TNRC6C: variants seen among roughly 807,000 people sequenced by gnomAD.
TNRC6C encodes trinucleotide repeat-containing gene 6C protein.
Under a neutral mutation model 153.7 loss-of-function variants are expected in TNRC6C, and 20 were observed. The ratio of observed to expected loss-of-function variants is 0.13; its 90% CI spans 0.09 to 0.19. TNRC6C has a LOEUF of 0.19. TNRC6C is among the 10% of genes least tolerant of loss of function. The probability of loss-of-function intolerance (pLI) is 1.00; values close to 1 mark genes in which losing one functional copy is unlikely to be tolerated. For missense variants in TNRC6C, 1,987 were observed against 2,172.0 expected, an observed-to-expected ratio of 0.91 and a Z score of 1.69; for synonymous variants, 811 against 841.4, an observed-to-expected ratio of 0.96 and a Z score of 0.63.
intron 3 of TNRC6C, among the ~76,000 whole-genome samples, chr17:78,056,250 C>T (rs937925505): frequency 2.6e-5 from 4 of 151,770 alleles, no homozygotes; most frequent in Admixed American, 6.6e-5. Flanking sequence ...TTCCACCTCC[C>T]GGGTTCAAGC....
Position 78,079,569 on chromosome 17 carries a change from G to A in TNRC6C, c.3357+28G>A. Reference sequence around the variant, plus strand: ...CAGACCCACATCCAAGCAGGACTGAGCAACAGGATATAGATGCCAGTGTTT... The same window carrying A: ...CAGACCCACATCCAAGCAGGACTGAACAACAGGATATAGATGCCAGTGTTT... On this transcript the variant is annotated intron_variant, in intron 10 of 19. Transcript: ENST00000301624. This position sits in a 1 kb window ranked among gnomAD's most constrained non-coding sequence, Gnocchi z 4.3. 1 of 1,611,358 alleles carries A rather than the reference G, an allele frequency of 6.2e-7. No homozygotes were observed. The highest frequency in any genetic ancestry group is 8.5e-7 in the Non-Finnish European group (1 of 1,177,868).
intron 1 of TNRC6C, among the ~76,000 whole-genome samples, chr17:77,979,062 G>C (rs1157932303): frequency 6.6e-6 from 1 of 152,126 alleles, no homozygotes; most frequent in Non-Finnish European, 1.5e-5. Context: ...AGGAGATCTA[G>C]ATATTAGGGT....
At chr17:78,022,868 C>A (rs894989791) in intron 1 of TNRC6C, among the ~76,000 whole-genome samples, 1 of 152,200 alleles carries the variant, frequency 6.6e-6, no homozygotes, top group South Asian at 2.1e-4. Context: ...TGTACTGATG[C>A]AGTGCATGTA....
At chr17:78,108,788 T>A (rs970987711) in exon 20 of TNRC6C, 23 of 152,384 alleles carry the variant, frequency 1.5e-4, no homozygotes, top group African/African-American at 3.1e-4. Context: ...GGATATATAT[T>A]TTTTTAAGTT....
At chr17:78,071,202 T>G (rs748584714) in intron 6 of TNRC6C, 37 bp downstream of exon 8, 1 of 1,563,334 alleles carries the variant, frequency 6.4e-7, no homozygotes, top group South Asian at 1.2e-5. Context: ...CCCACCATGC[T>G]TCCCAAAATG....
chr17:78,056,565 G>A (rs1354085837), intron 3 of TNRC6C, among the ~76,000 whole-genome samples: 4 of 151,082 alleles, frequency 2.6e-5, no homozygotes, highest in South Asian at 2.1e-4. Context: ...CCAGGTTCAC[G>A]CCATTCTCGT....
upstream of TNRC6C, chr17:77,959,155 C>T (rs1265097691): frequency 1.4e-5 from 2 of 144,564 alleles, no homozygotes; most frequent in Non-Finnish European, 3.1e-5. Flanking sequence ...GAGCGGGCCC[C>T]CGCCGCCCGC....
chr17:78,090,290 ACT>A (rs2073370763), intron 13 of TNRC6C, among the ~76,000 whole-genome samples: 2 of 151,694 alleles, frequency 1.3e-5, no homozygotes, highest in South Asian at 4.2e-4. Flanking sequence ...CAGGACAGAC[ACT>A]CTCTGGTTTG....
chr17:78,026,348 G>A (rs1945321662), intron 1 of TNRC6C, among the ~76,000 whole-genome samples: 1 of 152,184 alleles, frequency 6.6e-6, no homozygotes, highest in Admixed American at 6.5e-5. Flanking sequence ...GCTTAGGTGA[G>A]GAGGTGACAT....
At chr17:78,050,923 G>C in exon 3 of TNRC6C, 1 of 1,614,008 alleles carries the variant, frequency 6.2e-7, no homozygotes, top group Non-Finnish European at 8.5e-7. Flanking sequence ...TGGATGGGAT[G>C]CTGACAGTAA....
exon 2 of TNRC6C, chr17:78,031,799 A>T (rs1424935123): frequency 8.9e-6 from 11 of 1,232,192 alleles, no homozygotes; most frequent in Non-Finnish European, 1.1e-5. Flanking sequence ...CACCTCCCCT[A>T]CCTGGAGCCG....
At position 78,088,653 on chromosome 17, in the gene TNRC6C, G is replaced by A. The variant is rs1598779836; in HGVS notation, c.3802+1560G>A. On this transcript the variant is annotated intron_variant, in intron 13 of 19. Coordinates refer to ENST00000301624, the Ensembl canonical transcript of TNRC6C. ...CTCTCTTTTTTTTTTTGGCTGGAGTGCAGTGGCGTGATCATAGCTCATTGC... is the reference window on the plus strand; with the variant it reads ...CTCTCTTTTTTTTTTTGGCTGGAGTACAGTGGCGTGATCATAGCTCATTGC... 3.4e-5 allele frequency among the ~76,000 whole-genome samples: 5 copies of A among 147,088 alleles called. No individual in the cohort carries two copies. In the Admixed American group the frequency reaches 3.4e-4, roughly 10 times the overall value.
At chr17:77,988,480 A>G (rs187267039) in intron 1 of TNRC6C, among the ~76,000 whole-genome samples, 249 of 152,348 alleles carry the variant, frequency 1.6e-3, no homozygotes, top group South Asian at 5.2e-3. Flanking sequence ...CTGTTCTCAC[A>G]GAAGATTATT....
At chr17:78,046,942 A>G (rs1254112450) in intron 2 of TNRC6C, among the ~76,000 whole-genome samples, 1 of 152,170 alleles carries the variant, frequency 6.6e-6, no homozygotes, top group Admixed American at 6.6e-5. Flanking sequence ...AGATCATTTT[A>G]CAGTGTGACT....
Position 78,067,744 on chromosome 17 carries a change from GCT to G in TNRC6C, c.2612-10_2612-9del, listed in dbSNP as rs752110503. ...ACATGAATTTGATAAGTTCATGTTT[GCT>G]CTGTTTCTAGCTTCAAAATCTATGC... On this transcript the variant is annotated splice_polypyrimidine_tract_variant and intron_variant, in intron 4 of 19. Coordinates refer to ENST00000301624, the Ensembl canonical transcript of TNRC6C. 1 of 1,599,102 alleles carries G rather than the reference GCT, an allele frequency of 6.3e-7. No individual in the cohort carries two copies. The highest frequency in any genetic ancestry group is 8.5e-7 in the Non-Finnish European group (1 of 1,174,506).
intron 1 of TNRC6C, among the ~76,000 whole-genome samples, chr17:77,964,954 T>G (rs76638286): frequency 0.012 from 1,787 of 152,238 alleles, 32 homozygotes; most frequent in African/African-American, 0.041. Context: ...AACAAGTACA[T>G]TTGAGTCACT....
Position 77,960,228 on chromosome 17 carries a change from T to A in TNRC6C, c.-38+960T>A, listed in dbSNP as rs191396628. Among the ~76,000 whole-genome samples the A allele has an allele frequency of 1.1e-4, 16 of 152,354 alleles. No individual in the cohort carries two copies. In the East Asian group the frequency reaches 2.9e-3, roughly 28 times the overall value. ...CGCTCGGTTATTTCTAGGCGTGAAC[T>A]GCGGATTCTAAACTCAAAATGGTGC... On this transcript the variant is annotated intron_variant, in intron 1 of 22. Transcript: ENST00000636222.
At chr17:77,996,035 T>C (rs1277588296) in intron 1 of TNRC6C, among the ~76,000 whole-genome samples, 8 of 152,148 alleles carry the variant, frequency 5.3e-5, no homozygotes, top group Admixed American at 5.2e-4. Context: ...ATCATACCAC[T>C]GCACTTTAAC....
In TNRC6C at chr17:78,079,408, A is replaced by G. The variant is rs2073140047; in HGVS notation, c.3224A>G (p.Asn1075Ser). The change falls in exon 10 of 20, where the codon AAT becomes AGT. Residue 1075 changes from asparagine to serine, a missense_variant. Around this residue, in one of 4 missense-constraint regions of TNRC6C, gnomAD observed 765 missense variants for 908.6 expected, o/e 0.84. Coordinates refer to ENST00000301624, the Ensembl canonical transcript of TNRC6C. The surrounding 1 kb of genome is among the most constrained non-coding windows in gnomAD (Gnocchi z 4.3). ...GTCCCTGTGCAGATACCGAGTGGCA[A>G]TCTGGGTATGTTTGGCAATAGTGGA... 4.3e-6 allele frequency: 7 copies of G among 1,613,720 alleles called. No individual in the cohort carries two copies. Among genetic ancestry groups the G allele is most frequent in the African/African-American group, 1.3e-5 (1 of 74,860 alleles).
Sources: allele counts gnomAD v4.1 joint callset (sites outside exome capture counted in the v4.1 genomes callset), GRCh38; gene constraint gnomAD v4.1.1; regional missense constraint gnomAD v4.1.1; non-coding constraint Gnocchi (gnomAD v3.1); transcripts MANE v1.5; gene names NCBI Gene and HGNC (gene_info 2026-07-23, HGNC 2026-07-21).